Variants in NOS1AP observed in about 807,000 individuals in gnomAD.
NOS1AP encodes the protein nitric oxide synthase 1 adaptor protein.
A neutral mutation model predicts 56.2 loss-of-function variants in NOS1AP; 21 were observed. That is an observed-to-expected ratio of 0.37 (90% CI 0.26 to 0.54). The LOEUF (loss-of-function observed/expected upper bound fraction) is 0.54, where lower values mean the gene tolerates loss of function less well. Ranked by LOEUF, NOS1AP falls within the 20% of genes least tolerant of loss-of-function variation. The pLI, the probability that NOS1AP is intolerant of heterozygous loss-of-function variation, is 0.84. For synonymous variants in NOS1AP, 270 were observed against 274.6 expected (o/e 0.98, Z 0.17); for missense variants, 522 against 657.8 (o/e 0.79, Z 2.26).
At chr1:162,107,058 GTGGAAAACTA>G (rs1487923102) in intron 1 of NOS1AP, among the ~76,000 whole-genome samples, 1 of 152,176 alleles carries the variant, frequency 6.6e-6, no homozygotes, top group Non-Finnish European at 1.5e-5. Flanking sequence ...CTTCCATAGG[GTGGAAAACTA>G]TGAAGATGAA....
At chr1:162,346,315 A>G (rs192985638) in intron 6 of NOS1AP, among the ~76,000 whole-genome samples, 1 of 152,324 alleles carries the variant, frequency 6.6e-6, no homozygotes, top group Non-Finnish European at 1.5e-5. Flanking sequence ...TTACAATACA[A>G]TATGGTACAA....
intron 2 of NOS1AP, among the ~76,000 whole-genome samples, chr1:162,155,631 A>G (rs1164759619): frequency 6.6e-6 from 1 of 152,044 alleles, no homozygotes; most frequent in African/African-American, 2.4e-5. Flanking sequence ...GCTGGTATAC[A>G]TGGTTCAGTC....
Position 162,117,436 on chromosome 1 carries a change from A to T in NOS1AP, c.106-36969A>T, listed in dbSNP as rs145525782. On this transcript the variant is annotated intron_variant, in intron 1 of 9. Transcript: ENST00000361897. ...TTAGTGTTTCTTTCTCTAGACAGGG[A>T]TGCATGAATTCAGGTACCCTAGCTA... is the stretch of plus-strand genomic sequence containing the variant. Among the ~76,000 whole-genome samples the T allele has an allele frequency of 6.6e-5, 10 of 152,252 alleles. No homozygotes were observed. The East Asian group carries it at 1.7e-3, about 26-fold the overall frequency.
At position 162,200,306 on chromosome 1, in the gene NOS1AP, C is replaced by A. The variant is rs147315063; in HGVS notation, c.177+45830C>A. 2.0e-3 allele frequency among the ~76,000 whole-genome samples: 309 copies of A among 152,280 alleles called. 1 individual carries two copies. Among genetic ancestry groups the A allele is most frequent in the African/African-American group, 7.1e-3 (295 of 41,556 alleles). ...TCATCCCATCAGTCCCAGAACTTGG[C>A]TTTTGAGACCTTTCCCTGACCTGGA... On this transcript the variant is annotated intron_variant, in intron 2 of 9. Transcript: ENST00000361897.
intron 2 of NOS1AP, among the ~76,000 whole-genome samples, chr1:162,246,434 C>G (rs1012785947): frequency 1.3e-5 from 2 of 152,150 alleles, no homozygotes; most frequent in Non-Finnish European, 2.9e-5. Context: ...GGTCAGGAAT[C>G]ACTTGAGTGT....
At position 162,362,148 on chromosome 1, in the gene NOS1AP, G is replaced by A. The variant is rs543055803; in HGVS notation, c.940-3256G>A. 5.3e-5 allele frequency among the ~76,000 whole-genome samples: 8 copies of A among 152,292 alleles called. No homozygotes were observed. In the East Asian group the frequency reaches 1.5e-3, roughly 29 times the overall value. Reference sequence around the variant, plus strand: ...CTGTCCTGTTGGGATGTTCAGACTGGAAAGCAGGAAACTGACTCTGGGCTG... The same window carrying A: ...CTGTCCTGTTGGGATGTTCAGACTGAAAAGCAGGAAACTGACTCTGGGCTG... On this transcript the variant is annotated intron_variant, in intron 8 of 9. Coordinates refer to ENST00000361897, the MANE Select transcript of NOS1AP (RefSeq NM_014697.3).
At chr1:162,114,340 G>A (rs1458409338) in intron 1 of NOS1AP, among the ~76,000 whole-genome samples, 2 of 152,144 alleles carry the variant, frequency 1.3e-5, no homozygotes, top group African/African-American at 4.8e-5. Context: ...AAGCTTTCAC[G>A]CAGAACTCTC....
intron 8 of NOS1AP, chr1:162,364,303 A>G: frequency 1.0e-6 from 1 of 985,338 alleles, no homozygotes; most frequent in Non-Finnish European, 1.2e-6. Flanking sequence ...TTTCCCCATA[A>G]GCTACATTGG....
intron 6 of NOS1AP, among the ~76,000 whole-genome samples, chr1:162,350,919 G>A (rs530886012): frequency 1.6e-4 from 25 of 152,204 alleles, no homozygotes; most frequent in East Asian, 7.7e-4. Context: ...CTCCAAGATC[G>A]GTAACTTTTT....
intron 1 of NOS1AP, among the ~76,000 whole-genome samples, chr1:162,089,092 C>T (rs534172259): frequency 6.6e-6 from 1 of 152,218 alleles, no homozygotes; most frequent in South Asian, 2.1e-4. Context: ...TATCTTGGCA[C>T]CAGGGATGCT....
intron 2 of NOS1AP, among the ~76,000 whole-genome samples, chr1:162,279,534 C>T (rs1654851135): frequency 6.6e-6 from 1 of 152,212 alleles, no homozygotes; most frequent in African/African-American, 2.4e-5. Flanking sequence ...TTGAATATTT[C>T]CTGCCCCAAA....
At chr1:162,114,292 C>T (rs1222340021) in intron 1 of NOS1AP, among the ~76,000 whole-genome samples, 1 of 152,088 alleles carries the variant, frequency 6.6e-6, no homozygotes, top group Non-Finnish European at 1.5e-5. Context: ...GCTTATGTCT[C>T]TGTGGGAGCC....
rs1248736381 is a variant in NOS1AP, at chr1:162,112,174, C to CA, written c.105+41892_105+41893insA. On this transcript the variant is annotated intron_variant, in intron 1 of 9. Coordinates refer to ENST00000361897, the MANE Select transcript of NOS1AP (RefSeq NM_014697.3). ...TCTGTAATCACACTTCTCAGATCTG[C>CA]CTCCTTGTCATCAGCCTACCTCCCT... 5.9e-5 allele frequency among the ~76,000 whole-genome samples: 9 copies of CA among 152,186 alleles called. No individual in the cohort carries two copies. The South Asian group carries it at 8.3e-4, about 14-fold the overall frequency.
intron 1 of NOS1AP, among the ~76,000 whole-genome samples, chr1:162,077,012 C>A (rs1034972314): frequency 3.3e-5 from 5 of 152,140 alleles, no homozygotes; most frequent in African/African-American, 7.2e-5. Context: ...TAGGTTGTTT[C>A]CATTTTTGCC....
intron 2 of NOS1AP, among the ~76,000 whole-genome samples, chr1:162,175,181 CTGCACTTACA>C (rs1651003192): frequency 6.6e-6 from 1 of 151,138 alleles, no homozygotes; most frequent in African/African-American, 2.4e-5. Context: ...TATGCATGGT[CTGCACTTACA>C]TGCACTTACA....
chr1:162,151,055 G>A (rs1483470564), intron 1 of NOS1AP, among the ~76,000 whole-genome samples: 3 of 152,182 alleles, frequency 2.0e-5, no homozygotes, highest in Non-Finnish European at 4.4e-5. Flanking sequence ...GTCCTGGAGA[G>A]TTTCCCCAAC....
chr1:162,202,429 A>G lies in NOS1AP; in HGVS notation c.177+47953A>G, dbSNP rs941651770. 3.9e-5 allele frequency among the ~76,000 whole-genome samples: 6 copies of G among 152,312 alleles called. No homozygotes were observed. The East Asian group carries it at 7.7e-4, about 20-fold the overall frequency. On this transcript the variant is annotated intron_variant, in intron 2 of 9. Transcript: ENST00000361897. ...AATCATGGTACATAAACAATTTTGA[A>G]TCTTACATTTGATGTAAAATAAAAG...
At chr1:162,240,244 A>AGCGTGTGTGT (rs373369196) in intron 2 of NOS1AP, among the ~76,000 whole-genome samples, 35 of 141,302 alleles carry the variant, frequency 2.5e-4, no homozygotes, top group African/African-American at 9.1e-4. Context: ...CTGTGTGGCC[A>AGCGTGTGTGT]GTGTGTGTGT....
At chr1:162,268,318 C>T (rs765044324) in intron 2 of NOS1AP, among the ~76,000 whole-genome samples, 3,837 of 144,874 alleles carry the variant, frequency 0.026, 66 homozygotes, top group Non-Finnish European at 0.039. Context: ...GTAGCTCCCC[C>T]CCCCTATTTC....
Sources: gnomAD v4.1 joint callset for allele counts (sites outside exome capture counted in the v4.1 genomes callset) on GRCh38, gnomAD v4.1.1 for gene constraint, MANE v1.5 for transcripts, NCBI Gene and HGNC (gene_info 2026-07-23, HGNC 2026-07-21) for gene names.